Variants in COA7 observed in about 807,000 individuals in gnomAD.
The protein encoded by COA7 is cytochrome c oxidase assembly factor 7.
In COA7, 12 loss-of-function variants were observed where a neutral mutation model predicts 21.0. That is an observed-to-expected ratio of 0.57 (90% CI 0.37 to 0.92). The LOEUF (loss-of-function observed/expected upper bound fraction) is 0.92. Among genes scored for constraint, COA7 ranks in the 40% least tolerant of loss-of-function variants. The pLI, the probability that COA7 is intolerant of heterozygous loss-of-function variation, is 0.01. For missense variants in COA7, 240 were observed against 286.1 expected (o/e 0.84, Z 1.16); for synonymous variants, 95 against 107.4 (o/e 0.88, Z 0.72).
chr1:52,691,896 T>C (rs1644050011), intron 2 of COA7, among the ~76,000 whole-genome samples: 1 of 152,200 alleles, frequency 6.6e-6, no homozygotes, highest in Non-Finnish European at 1.5e-5. Flanking sequence ...ATGAAAAGTG[T>C]GTGACTTCCA....
intron 1 of COA7, chr1:52,697,786 A>C: frequency 6.4e-6 from 1 of 155,394 alleles, no homozygotes; most frequent in Non-Finnish European, 1.4e-5. Flanking sequence ...GTTAGCCAGG[A>C]TGGTTTCGAT....
At chr1:52,689,609 G>C (rs1271410498) in intron 2 of COA7, among the ~76,000 whole-genome samples, 1 of 152,026 alleles carries the variant, frequency 6.6e-6, no homozygotes, top group African/African-American at 2.4e-5. Context: ...TACACAGGAG[G>C]CCAGGCGTGG....
chr1:52,691,983 G>A (rs1397267116), intron 2 of COA7, among the ~76,000 whole-genome samples: 4 of 152,144 alleles, frequency 2.6e-5, no homozygotes, highest in African/African-American at 9.6e-5. Flanking sequence ...GAACCCAGAC[G>A]CCATGTCATG....
intron 1 of COA7, among the ~76,000 whole-genome samples, chr1:52,695,065 G>A (rs774407264): frequency 5.3e-5 from 8 of 151,922 alleles, no homozygotes; most frequent in Admixed American, 4.6e-4. Flanking sequence ...AGGCCAAGGC[G>A]GGTAGATCAC....
intron 1 of COA7, among the ~76,000 whole-genome samples, chr1:52,697,116 C>CA (rs145891105): frequency 0.055 from 8,373 of 151,422 alleles, 767 homozygotes; most frequent in African/African-American, 0.19. Flanking sequence ...CTCAAAAAAA[C>CA]AAAAAAATTA....
At chr1:52,692,689 T>G in intron 2 of COA7, 38 bp downstream of exon 2, 1 of 1,612,862 alleles carries the variant, frequency 6.2e-7, no homozygotes, top group Non-Finnish European at 8.5e-7. Flanking sequence ...CCAGCACTGC[T>G]ATCAATGACA....
At chr1:52,689,552 G>A (rs1644029361) in intron 2 of COA7, among the ~76,000 whole-genome samples, 1 of 151,820 alleles carries the variant, frequency 6.6e-6, no homozygotes, top group Non-Finnish European at 1.5e-5. Flanking sequence ...TGTGGTCCAG[G>A]AAAGCAAAAA....
intron 2 of COA7, among the ~76,000 whole-genome samples, chr1:52,692,434 C>G (rs1644054205): frequency 6.6e-6 from 1 of 152,170 alleles, no homozygotes; most frequent in Admixed American, 6.5e-5. Context: ...TCCTCACCAC[C>G]CTACAAAGCA....
intron 1 of COA7, among the ~76,000 whole-genome samples, chr1:52,697,071 T>G (rs1311395691): frequency 6.6e-6 from 1 of 151,946 alleles, no homozygotes; most frequent in East Asian, 1.9e-4. Flanking sequence ...ATCGAGCCAT[T>G]GTACTCCAGC....
At chr1:52,690,173 G>A (rs1237596635) in intron 2 of COA7, among the ~76,000 whole-genome samples, 1 of 152,000 alleles carries the variant, frequency 6.6e-6, no homozygotes, top group African/African-American at 2.4e-5. Flanking sequence ...TAAAAACAAT[G>A]GGAAATCACT....
chr1:52,693,168 A>G (rs1215557438), intron 1 of COA7, among the ~76,000 whole-genome samples: 1 of 152,226 alleles, frequency 6.6e-6, no homozygotes, highest in Non-Finnish European at 1.5e-5. Context: ...GCCACGCCCA[A>G]GTATCCACTG....
intron 1 of COA7, among the ~76,000 whole-genome samples, chr1:52,693,176 C>G (rs1365543608): frequency 1.3e-5 from 2 of 152,200 alleles, no homozygotes; most frequent in East Asian, 3.9e-4. Flanking sequence ...CAAGTATCCA[C>G]TGACTTCCAT....
chr1:52,691,268 G>A (rs1366236349), intron 2 of COA7, among the ~76,000 whole-genome samples: 1 of 151,938 alleles, frequency 6.6e-6, no homozygotes, highest in African/African-American at 2.4e-5. Context: ...TAAAAAATTA[G>A]CTAAGCATGG....
chr1:52,692,675 G>A, intron 2 of COA7, 52 bp downstream of exon 2: 1 of 1,605,972 alleles, frequency 6.2e-7, no homozygotes, highest in African/African-American at 1.3e-5. Flanking sequence ...GCTCAGGTGT[G>A]AGGCCAGCAC....
chr1:52,692,926 C>T, intron 1 of COA7, 59 bp from the exon 2 acceptor site: 1 of 1,600,396 alleles, frequency 6.2e-7, no homozygotes. Flanking sequence ...GCAGTGGGGA[C>T]TTGGGGGTAG....
At position 52,685,738 on chromosome 1, in the gene COA7, G is replaced by C. The variant is rs939704276; in HGVS notation, c.*1982C>G. 6.6e-6 allele frequency: 1 copy of C among 152,072 alleles called. No individual in the cohort carries two copies. Among genetic ancestry groups the C allele is most frequent in the African/African-American group, 2.4e-5 (1 of 41,464 alleles). 9.4% of individuals were successfully genotyped at this position (152,072 alleles called of 1,614,324 possible). On this transcript the variant is annotated 3_prime_UTR_variant, in exon 3 of 3. Coordinates refer to ENST00000371538, the MANE Select transcript of COA7 (RefSeq NM_023077.3). ...CCACCACCACACCCAGATAATTTTT[G>C]TATTTTTAGTAGATACGAGGTTTCA... is the stretch of plus-strand genomic sequence containing the variant.
chr1:52,692,649 A>C, intron 2 of COA7, 78 bp downstream of exon 2: 1 of 1,547,520 alleles, frequency 6.5e-7, no homozygotes, highest in Non-Finnish European at 8.9e-7. Flanking sequence ...ACCCTTCTGC[A>C]AGAGCTTATC....
At chr1:52,689,263 C>T (rs957888726) in intron 2 of COA7, among the ~76,000 whole-genome samples, 24 of 151,390 alleles carry the variant, frequency 1.6e-4, no homozygotes, top group African/African-American at 5.8e-4. Context: ...TCAAGCGATT[C>T]TCCTGCCTCA....
rs200693966 is a variant in COA7 at position 52,692,887 on chromosome 1, G to A, written c.107-20C>T. The A allele has an allele frequency of 6.2e-7, 1 of 1,613,740 alleles. No individual in the cohort carries two copies. Among genetic ancestry groups the A allele is most frequent in the African/African-American group, 1.3e-5 (1 of 74,920 alleles). ...AGCAACCTGCGAGAAGAGGGCAAGG[G>A]TTGTTCTTCATGTCTGGGGCTGCTG... On this transcript the variant is annotated intron_variant, in intron 1 of 2. Transcript: ENST00000371538.
Sources: gnomAD v4.1 joint callset for allele counts (sites outside exome capture counted in the v4.1 genomes callset) on GRCh38, gnomAD v4.1.1 for gene constraint, MANE v1.5 for transcripts, NCBI Gene and HGNC (gene_info 2026-07-23, HGNC 2026-07-21) for gene names.